The following IL12RB2 variants were observed in gnomAD, a reference collection of about 807,000 sequenced individuals.
IL12RB2 encodes interleukin 12 receptor subunit beta 2.
Under a neutral mutation model 89.4 loss-of-function variants are expected in IL12RB2, and 82 were observed. The ratio of observed to expected loss-of-function variants is 0.92; its 90% CI spans 0.77 to 1.10. The LOEUF (loss-of-function observed/expected upper bound fraction) is 1.10. Among genes scored for constraint, IL12RB2 ranks in the 50% least tolerant of loss-of-function variants. The pLI is 0.00. For synonymous variants in IL12RB2, 368 were observed against 370.1 expected, an observed-to-expected ratio of 0.99 and a Z score of 0.07; for missense variants, 963 against 1,031.9, an observed-to-expected ratio of 0.93 and a Z score of 0.92.
intron 14 of IL12RB2, among the ~76,000 whole-genome samples, chr1:67,381,360 T>C (rs892042324): frequency 6.6e-6 from 1 of 152,198 alleles, no homozygotes; most frequent in Non-Finnish European, 1.5e-5. Context: ...TCTTGCTTTG[T>C]GACATGAAGC....
At chr1:67,361,658 G>A (rs1005338393) in intron 10 of IL12RB2, among the ~76,000 whole-genome samples, 8 of 152,022 alleles carry the variant, frequency 5.3e-5, no homozygotes, top group Admixed American at 5.2e-4. Flanking sequence ...TACAAAATCT[G>A]TGGAACAACT....
At chr1:67,310,247 C>G (rs1365470772) in intron 1 of IL12RB2, among the ~76,000 whole-genome samples, 2 of 149,832 alleles carry the variant, frequency 1.3e-5, no homozygotes, top group African/African-American at 4.9e-5. Context: ...ATTTCCTTTG[C>G]CCTTGGAAGT....
At chr1:67,384,888 T>G (rs1664976404) in intron 14 of IL12RB2, among the ~76,000 whole-genome samples, 1 of 152,240 alleles carries the variant, frequency 6.6e-6, no homozygotes, top group Admixed American at 6.5e-5. Flanking sequence ...ACCAGCATTT[T>G]GGTCAAAGTC....
intron 10 of IL12RB2, among the ~76,000 whole-genome samples, chr1:67,367,459 C>CAAGGGAAG (rs1662807054): frequency 5.2e-5 from 1 of 19,334 alleles, no homozygotes; most frequent in African/African-American, 1.6e-4. Context: ...AGGAAAGGAA[C>CAAGGGAAG]GAGGGAAGGA....
intron 14 of IL12RB2, 102 bp from the exon 15 acceptor site, chr1:67,386,477 C>T: frequency 1.2e-6 from 1 of 831,440 alleles, no homozygotes; most frequent in South Asian, 1.3e-5. Flanking sequence ...CACAGCTGCC[C>T]AGGAACTGTG....
chr1:67,381,729 G>A (rs1293544172), intron 14 of IL12RB2, among the ~76,000 whole-genome samples: 1 of 148,558 alleles, frequency 6.7e-6, no homozygotes, highest in East Asian at 2.0e-4. Flanking sequence ...TGGCACCACT[G>A]CCCTCCAGCC....
intron 13 of IL12RB2, among the ~76,000 whole-genome samples, chr1:67,379,482 C>T (rs2101062298): frequency 7.3e-6 from 1 of 137,668 alleles, no homozygotes; most frequent in Admixed American, 8.3e-5. Context: ...TGCTCTCCAG[C>T]CTGGGCGACA....
intron 5 of IL12RB2, 66 bp from the exon 6 acceptor site, chr1:67,328,134 T>C (rs1228381226): frequency 9.0e-7 from 1 of 1,107,618 alleles, no homozygotes; most frequent in Non-Finnish European, 1.4e-6. Context: ...ATTTTGTTCT[T>C]TTCTACTGTA....
intron 16 of IL12RB2, among the ~76,000 whole-genome samples, chr1:67,393,017 C>T (rs1165803041): frequency 6.6e-6 from 1 of 152,090 alleles, no homozygotes; most frequent in African/African-American, 2.4e-5. Context: ...TTAAATATGG[C>T]CTCGAGGATG....
intron 13 of IL12RB2, among the ~76,000 whole-genome samples, chr1:67,374,817 C>T (rs538338235): frequency 8.4e-6 from 1 of 119,578 alleles, no homozygotes; most frequent in African/African-American, 3.1e-5. Context: ...AACAGTAAGC[C>T]ATCTACTTTA....
chr1:67,346,444 T>C (rs947719266), intron 9 of IL12RB2, among the ~76,000 whole-genome samples: 7 of 143,120 alleles, frequency 4.9e-5, no homozygotes, highest in African/African-American at 1.9e-4. Flanking sequence ...TGGAGTGCAG[T>C]GGTGCGATAT....
chr1:67,371,135 C>A (rs1197930882), intron 11 of IL12RB2, among the ~76,000 whole-genome samples: 5 of 152,150 alleles, frequency 3.3e-5, no homozygotes, highest in African/African-American at 9.7e-5. Flanking sequence ...TTCCATGTTG[C>A]CCTTTGGGCT....
rs1180912070 is a variant in IL12RB2 at position 67,320,214 on chromosome 1, TAAC to T, written c.-36-116_-36-114del. 4.5e-5 allele frequency: 67 copies of T among 1,474,772 alleles called. No individual in the cohort carries two copies. In the Admixed American group the frequency reaches 5.7e-4, roughly 12 times the overall value. 91.4% of individuals were successfully genotyped at this position (1,474,772 alleles called of 1,614,324 possible). Reference sequence around the variant, plus strand: ...TAAAGGTACATGTCATTTTTTAAAATAACAAGATCTCAACAAGGTGGAGAAAAA... The same window carrying T: ...TAAAGGTACATGTCATTTTTTAAAATAAGATCTCAACAAGGTGGAGAAAAA... On this transcript the variant is annotated intron_variant, in intron 2 of 16. Transcript: ENST00000674203.
At position 67,397,012 on chromosome 1, in the gene IL12RB2, C is replaced by T. The variant is rs536460672; in HGVS notation, c.*923C>T. The T allele has an allele frequency of 6.6e-6, 1 of 150,988 alleles. No individual in the cohort carries two copies. Among genetic ancestry groups the T allele is most frequent in the African/African-American group, 2.5e-5 (1 of 40,452 alleles). The allele number at this position is 150,988 out of a possible 1,614,324, so 9.4% of individuals were successfully genotyped here. ...AATTAACTGGGCGTGATGGCGGGCG[C>T]CTGTAGTCCCAGCTACTCGGGAGGC... On this transcript the variant is annotated 3_prime_UTR_variant, in exon 17 of 17. Transcript: ENST00000674203.
At chr1:67,389,999 A>C (rs777638428) in intron 15 of IL12RB2, 30 bp from the exon 16 acceptor site, 2 of 915,970 alleles carry the variant, frequency 2.2e-6, no homozygotes, top group Admixed American at 3.4e-5. Flanking sequence ...TGCACACCTA[A>C]GGAAATGTCA....
rs138010901 is a variant in IL12RB2, at chr1:67,379,885, T to C, written c.1718-101T>C. ...TTTAAAATAGCAAAATGCTTTTTCC[T>C]TCCAAATTAAATGAAGCATTAAAGA... On this transcript the variant is annotated intron_variant, in intron 13 of 16. Coordinates refer to ENST00000674203, the MANE Select transcript of IL12RB2 (RefSeq NM_001374259.2). The C allele has an allele frequency of 4.1e-6, 4 of 976,700 alleles. No individual in the cohort carries two copies. In the African/African-American group the frequency reaches 4.8e-5, roughly 12 times the overall value. The allele number at this position is 976,700 out of a possible 1,614,324, so 60.5% of individuals were successfully genotyped here.
At chr1:67,378,692 A>C (rs1378355822) in intron 13 of IL12RB2, among the ~76,000 whole-genome samples, 1 of 151,570 alleles carries the variant, frequency 6.6e-6, no homozygotes, top group Admixed American at 6.6e-5. Context: ...TCTATTAAAA[A>C]TACAAAACTT....
intron 10 of IL12RB2, among the ~76,000 whole-genome samples, chr1:67,351,668 T>C (rs939072598): frequency 5.9e-5 from 9 of 152,282 alleles, no homozygotes; most frequent in Admixed American, 2.0e-4. Flanking sequence ...ACCAATAATA[T>C]TGAAATTCTG....
chr1:67,394,033 T>C (rs1427200983), intron 16 of IL12RB2, among the ~76,000 whole-genome samples: 2 of 151,998 alleles, frequency 1.3e-5, no homozygotes, highest in African/African-American at 4.8e-5. Context: ...AGGGGCCTCA[T>C]GGAAGGAGAA....
Sources: allele counts gnomAD v4.1 joint callset (sites outside exome capture counted in the v4.1 genomes callset), GRCh38; gene constraint gnomAD v4.1.1; transcripts MANE v1.5; gene names NCBI Gene and HGNC (gene_info 2026-07-23, HGNC 2026-07-21).